ADNP: variants seen among roughly 807,000 people sequenced by gnomAD.
The protein encoded by ADNP is activity-dependent neuroprotector homeobox protein.
Under a neutral mutation model 84.9 loss-of-function variants are expected in ADNP, and 4 were observed. The observed-to-expected ratio is 0.05, with a 90% CI of 0.02 to 0.11. The LOEUF is 0.11. Among genes scored for constraint, ADNP ranks in the 10% least tolerant of loss-of-function variants. The pLI is 1.00. For missense variants in ADNP, 1,132 were observed against 1,326.0 expected, an observed-to-expected ratio of 0.85 and a Z score of 2.27; for synonymous variants, 554 against 468.1, an observed-to-expected ratio of 1.18 and a Z score of -2.37.
chr20:50,923,407 C>T (rs1055563064), intron 2 of ADNP, among the ~76,000 whole-genome samples: 14 of 152,158 alleles, frequency 9.2e-5, no homozygotes, highest in African/African-American at 3.1e-4. Flanking sequence ...AAGGCTTCAC[C>T]GAAGGTAGCT....
At chr20:50,901,324 A>AAAG (rs1157427242) in intron 5 of ADNP, among the ~76,000 whole-genome samples, 2 of 114,398 alleles carry the variant, frequency 1.7e-5, no homozygotes, top group African/African-American at 3.7e-5. Context: ...GGGTATTTAA[A>AAAG]AAAAAAAAAA....
chr20:50,907,234 T>C lies in ADNP; in HGVS notation c.-89-2385A>G, dbSNP rs190298699. On this transcript the variant is annotated intron_variant, in intron 2 of 5. Coordinates refer to ENST00000621696, the MANE Select transcript of ADNP (RefSeq NM_001282531.3). ...ATCTTGTGATCCGCCCATCTCAGCC[T>C]CCCAAAGTGCTGGGATTACAGCCAC... Among the ~76,000 whole-genome samples, 768 of 151,466 alleles carry C rather than the reference T, an allele frequency of 5.1e-3. 9 individuals are homozygous for C. Among genetic ancestry groups the C allele is most frequent in the African/African-American group, 0.018 (726 of 41,222 alleles).
chr20:50,899,508 C>A (rs1981747147), intron 5 of ADNP, among the ~76,000 whole-genome samples: 1 of 152,060 alleles, frequency 6.6e-6, no homozygotes, highest in South Asian at 2.1e-4. Context: ...CAGCGCCCGG[C>A]CGGTAATGAG....
Position 50,891,712 on chromosome 20 carries a change from G to C in ADNP, c.3002C>G (p.Ser1001Cys). The C allele has an allele frequency of 1.2e-6, 2 of 1,614,122 alleles. No homozygotes were observed. Among genetic ancestry groups the C allele is most frequent in the Non-Finnish European group, 8.5e-7 (1 of 1,180,028 alleles). Residue 1001 changes from serine to cysteine, a missense_variant, in exon 6 of 6, where the codon TCC (serine) becomes TGC (cysteine). Ser to Cys is a moderately radical substitution (Grantham distance 112). Around this residue, in one of 10 missense-constraint regions of ADNP, gnomAD observed 381 missense variants for 319.9 expected, o/e 1.19. Coordinates refer to ENST00000621696, the MANE Select transcript of ADNP (RefSeq NM_001282531.3). Reference protein sequence around the residue: ...MKPGTWSDESSQSEDARSSKP... With the variant: ...MKPGTWSDESCQSEDARSSKP... ...ACTGCTCCTTGCATCTTCGCTTTGG[G>C]AAGACTCGTCAGACCAGGTTCCTGG...
intron 2 of ADNP, chr20:50,914,119 C>G: frequency 1.3e-6 from 1 of 765,954 alleles, no homozygotes; most frequent in African/African-American, 1.7e-5. Flanking sequence ...TGGGGCTAAT[C>G]CAGATGGTAA....
chr20:50,905,286 C>T (rs1033000764), intron 2 of ADNP: 4 of 152,028 alleles, frequency 2.6e-5, no homozygotes, highest in East Asian at 1.9e-4. Context: ...AACACAATTT[C>T]GCAGGATATA....
intron 4 of ADNP, among the ~76,000 whole-genome samples, chr20:50,903,003 C>G (rs1275623686): frequency 6.6e-6 from 1 of 152,184 alleles, no homozygotes; most frequent in Non-Finnish European, 1.5e-5. Flanking sequence ...TAGTGGAACT[C>G]AAATTAAGAA....
chr20:50,930,715 C>G (rs1984665953), intron 1 of ADNP, 111 bp downstream of exon 1: 1 of 152,128 alleles, frequency 6.6e-6, no homozygotes, highest in Non-Finnish European at 1.5e-5. Flanking sequence ...GCGATGCGAA[C>G]AACAATGCGC....
intron 4 of ADNP, among the ~76,000 whole-genome samples, chr20:50,903,687 C>T (rs927419784): frequency 2.6e-5 from 4 of 152,162 alleles, no homozygotes; most frequent in Admixed American, 6.5e-5. Context: ...CAATGGTAGC[C>T]TTCTGCTTCA....
At chr20:50,907,691 T>A (rs571002412) in intron 2 of ADNP, among the ~76,000 whole-genome samples, 2 of 152,152 alleles carry the variant, frequency 1.3e-5, no homozygotes, top group South Asian at 4.1e-4. Flanking sequence ...CAAGTGATCT[T>A]CCCACCTCAG....
chr20:50,923,486 GT>G (rs1568745108), intron 2 of ADNP, among the ~76,000 whole-genome samples: 1 of 151,956 alleles, frequency 6.6e-6, no homozygotes, highest in African/African-American at 2.4e-5. Flanking sequence ...CCTCAGAGAA[GT>G]TTTATTTGCA....
In ADNP at chr20:50,904,318, T is replaced by C. The variant is rs970965220; in HGVS notation, c.-5-317A>G. ...ATAGCCTCAACCTTCTGGGCTCAAG[T>C]GATCCTCTCACCTCAGCTTCTCAAG... On this transcript the variant is annotated intron_variant, in intron 3 of 5. Transcript: ENST00000621696. The C allele has an allele frequency of 1.7e-5, 4 of 231,924 alleles. No homozygotes were observed. The Admixed American group carries it at 2.1e-4, about 12-fold the overall frequency. 14.4% of individuals were successfully genotyped at this position (231,924 alleles called of 1,614,324 possible).
At position 50,919,287 on chromosome 20, in the gene ADNP, A is replaced by ACATATATATATATATATAT. The variant is rs776823194; in HGVS notation, c.-90+9363_-90+9364insATATATATATATATATATG. On this transcript the variant is annotated intron_variant, in intron 2 of 5. Coordinates refer to ENST00000621696, the MANE Select transcript of ADNP (RefSeq NM_001282531.3). Reference sequence around the variant, plus strand: ...CCAGCCTGAAAAAATACATATATTTAAGTGTATATATATATATATATATAT... The same window carrying ACATATATATATATATATAT: ...CCAGCCTGAAAAAATACATATATTTACATATATATATATATATATAGTGTATATATATATATATATATAT... Among the ~76,000 whole-genome samples the ACATATATATATATATATAT allele has an allele frequency of 3.9e-3, 493 of 127,926 alleles. 15 individuals are homozygous for ACATATATATATATATATAT. The highest frequency in any genetic ancestry group is 0.01 in the East Asian group (45 of 4,452). The allele number at this position is 127,926 out of a possible 152,430, so 83.9% of individuals were successfully genotyped here. A position where few individuals can be genotyped will look rare whatever the true frequency, so the allele number is the denominator to read the frequency against.
At chr20:50,899,960 G>A (rs1458688923) in intron 5 of ADNP, among the ~76,000 whole-genome samples, 4 of 151,018 alleles carry the variant, frequency 2.6e-5, no homozygotes, top group Non-Finnish European at 5.9e-5. Context: ...ACCCGGGCAG[G>A]TTGCCGTGTT....
At chr20:50,909,774 T>G (rs2122888778) in intron 2 of ADNP, 1 of 152,350 alleles carries the variant, frequency 6.6e-6, no homozygotes, top group Middle Eastern at 3.4e-3. Context: ...TGACTCAGTT[T>G]GACTAGTTAA....
Position 50,894,355 on chromosome 20 carries a change from G to A in ADNP, c.359C>T (p.Thr120Ile). Residue 120 changes from threonine (T) to isoleucine (I), a missense_variant, in exon 6 of 6, where the codon ACT becomes ATT. Transcript: ENST00000621696. ...AAATATTTTAATGTGTGTTTCCAAA[G>A]TCTTTTTGTCTGCATTGAAGGTACA... ...PYCTFNADKK[T>I]LETHIKIFHA... 2 of 1,614,052 alleles carry A rather than the reference G, an allele frequency of 1.2e-6. No homozygotes were observed. Among genetic ancestry groups the A allele is most frequent in the African/African-American group, 1.3e-5 (1 of 75,008 alleles).
In ADNP at chr20:50,889,420, T is replaced by C. The variant is rs1005148920; in HGVS notation, c.*1985A>G. 1 of 153,578 alleles carries C rather than the reference T, an allele frequency of 6.5e-6. No homozygotes were observed. Among genetic ancestry groups the C allele is most frequent in the Non-Finnish European group, 1.5e-5 (1 of 68,956 alleles). 9.5% of individuals were successfully genotyped at this position (153,578 alleles called of 1,614,324 possible). A position where few individuals can be genotyped will look rare whatever the true frequency, so the allele number is the denominator to read the frequency against. Reference sequence around the variant, plus strand: ...TGTCCTAAGTTTTGGCTGGTGCATGTAGAACTTATAATCTACCTGTATAAC... The same window carrying C: ...TGTCCTAAGTTTTGGCTGGTGCATGCAGAACTTATAATCTACCTGTATAAC... On this transcript the variant is annotated 3_prime_UTR_variant, in exon 6 of 6. Transcript: ENST00000621696.
At chr20:50,914,378 C>CA (rs1983334491) in intron 2 of ADNP, 1 of 612,062 alleles carries the variant, frequency 1.6e-6, no homozygotes, top group African/African-American at 1.9e-5. Context: ...GTTTAGTACT[C>CA]AAGAGAATGG....
intron 2 of ADNP, among the ~76,000 whole-genome samples, chr20:50,906,402 ACTCT>A (rs1050630839): frequency 1.3e-5 from 2 of 152,132 alleles, no homozygotes; most frequent in African/African-American, 4.8e-5. Flanking sequence ...CATTTCATAA[ACTCT>A]CTATGGGCCA....
Sources: gnomAD v4.1 joint callset for allele counts (sites outside exome capture counted in the v4.1 genomes callset) on GRCh38, gnomAD v4.1.1 for gene constraint, gnomAD v4.1.1 regional missense constraint, MANE v1.5 for transcripts, NCBI Gene and HGNC (gene_info 2026-07-23, HGNC 2026-07-21) for gene names.